The following KIAA1549 variants were observed in gnomAD, a reference collection of about 807,000 sequenced individuals.
KIAA1549 encodes KIAA1549.
A neutral mutation model predicts 156.4 loss-of-function variants in KIAA1549; 70 were observed. The ratio of observed to expected loss-of-function variants is 0.45; its 90% CI spans 0.37 to 0.55. The LOEUF is 0.55. Ranked by LOEUF, KIAA1549 falls within the 20% of genes least tolerant of loss-of-function variation. The pLI is 0.00. For missense variants in KIAA1549, 2,428 were observed against 2,540.9 expected (o/e 0.96, Z 0.96); for synonymous variants, 1,103 against 1,066.4 (o/e 1.03, Z -0.67).
In KIAA1549 at chr7:138,919,199, C is replaced by T. The variant is rs1038347765; in HGVS notation, c.427G>A (p.Val143Met). 4.3e-6 allele frequency: 7 copies of T among 1,613,828 alleles called. No individual in the cohort carries two copies. Among genetic ancestry groups the T allele is most frequent in the Non-Finnish European group, 5.9e-6 (7 of 1,179,886 alleles). Reference sequence around the variant, plus strand: ...GCCACCTCTTTACTCGTCACTGACACGTAAGTTGCCACAAAGATGCTGGGA... The same window carrying T: ...GCCACCTCTTTACTCGTCACTGACATGTAAGTTGCCACAAAGATGCTGGGA... ...ADPSIFVATY[V>M]SVTSKEVAVN... The change falls in exon 2 of 20, where the codon GTG becomes ATG. Residue 143 changes from valine to methionine, a missense_variant. Val to Met is a conservative substitution (Grantham distance 21). Coordinates refer to ENST00000422774, the MANE Select transcript of KIAA1549 (RefSeq NM_001164665.2).
chr7:138,954,472 G>A (rs1303551251), intron 1 of KIAA1549, among the ~76,000 whole-genome samples: 2 of 152,130 alleles, frequency 1.3e-5, no homozygotes, highest in Non-Finnish European at 2.9e-5. Context: ...CTAACAAGCT[G>A]GCATCCTTAA....
chr7:138,959,358 G>A (rs1220025790), intron 1 of KIAA1549, among the ~76,000 whole-genome samples: 1 of 152,096 alleles, frequency 6.6e-6, no homozygotes, highest in Non-Finnish European at 1.5e-5. Context: ...CATCTCTCAC[G>A]CAGTACATTG....
rs1489524205 is a variant in KIAA1549 at position 138,836,807 on chromosome 7, TAC to T, written c.*1097_*1098del. The T allele has an allele frequency of 4.5e-6, 1 of 224,174 alleles. No individual in the cohort carries two copies. The highest frequency in any genetic ancestry group is 5.7e-5 in the Admixed American group (1 of 17,490). 13.9% of individuals were successfully genotyped at this position (224,174 alleles called of 1,614,324 possible). ...AGCTCTTTTACATTTCTTGATTCAT[TAC>T]AGAGAGGCTGAACTGAACTCAATTT... On this transcript the variant is annotated 3_prime_UTR_variant, in exon 20 of 20. Coordinates refer to ENST00000422774, the MANE Select transcript of KIAA1549 (RefSeq NM_001164665.2).
At chr7:138,876,668 G>T (rs746423436) in intron 12 of KIAA1549, among the ~76,000 whole-genome samples, 1 of 152,158 alleles carries the variant, frequency 6.6e-6, no homozygotes, top group Non-Finnish European at 1.5e-5. Flanking sequence ...TGATAAAGGG[G>T]AGCGAGAGAA....
At chr7:138,908,772 T>G (rs1812081059) in intron 5 of KIAA1549, among the ~76,000 whole-genome samples, 1 of 152,170 alleles carries the variant, frequency 6.6e-6, no homozygotes, top group East Asian at 1.9e-4. Context: ...GCTCACCATA[T>G]CTGAGCTCCC....
In KIAA1549 at chr7:138,869,656, GGTC is replaced by G. The variant is rs771490661; in HGVS notation, c.4654_4656del (p.Asp1552del). ...CGCTCCTTAGTGTCGCCCGAGGACAGGTCGTCTACCACCGGGAACTCGTAGTGC... is the reference window on the plus strand; with the variant it reads ...CGCTCCTTAGTGTCGCCCGAGGACAGGTCTACCACCGGGAACTCGTAGTGC... On this transcript the variant is annotated inframe_deletion, in exon 14 of 20. Transcript: ENST00000422774. 6 of 1,612,008 alleles carry G rather than the reference GGTC, an allele frequency of 3.7e-6. No homozygotes were observed. In the African/African-American group the frequency reaches 5.3e-5, roughly 14 times the overall value.
chr7:138,939,057 G>C (rs1467177434), intron 1 of KIAA1549, among the ~76,000 whole-genome samples: 1 of 152,100 alleles, frequency 6.6e-6, no homozygotes, highest in Non-Finnish European at 1.5e-5. Context: ...AAAATTTTCA[G>C]ACATACACAA....
intron 1 of KIAA1549, among the ~76,000 whole-genome samples, chr7:138,932,722 A>T (rs575237120): frequency 6.6e-6 from 1 of 152,232 alleles, no homozygotes; most frequent in South Asian, 2.1e-4. Context: ...TGGTCAGCGG[A>T]TCTTTAGCAT....
chr7:138,940,339 T>C (rs1584772193), intron 1 of KIAA1549, among the ~76,000 whole-genome samples: 1 of 151,860 alleles, frequency 6.6e-6, no homozygotes, highest in East Asian at 1.9e-4. Flanking sequence ...ACAAAGGACA[T>C]GAACTCATCA....
At chr7:138,964,822 T>C (rs187120260) in intron 1 of KIAA1549, among the ~76,000 whole-genome samples, 148 of 152,348 alleles carry the variant, frequency 9.7e-4, no homozygotes, top group South Asian at 1.4e-3. Context: ...GATTTGGCAA[T>C]ATGCATCAAA....
In KIAA1549 at chr7:138,951,372, C is replaced by T. The variant is rs867354605; in HGVS notation, c.187+29711G>A. 2.9e-4 allele frequency among the ~76,000 whole-genome samples: 44 copies of T among 152,262 alleles called. 2 individuals are homozygous for T. Among genetic ancestry groups the T allele is most frequent in the South Asian group, 2.1e-3 (10 of 4,816 alleles). On this transcript the variant is annotated intron_variant, in intron 1 of 19. Coordinates refer to ENST00000422774, the MANE Select transcript of KIAA1549 (RefSeq NM_001164665.2). ...CTTCAAACATCAGTGGTCCTCTCTC[C>T]CTAGCACAGTTTCTCCTTGACTCTG...
intron 13 of KIAA1549, among the ~76,000 whole-genome samples, chr7:138,870,693 T>C (rs1810902170): frequency 6.6e-6 from 1 of 152,200 alleles, no homozygotes; most frequent in Admixed American, 6.5e-5. Context: ...CAGTATCTGA[T>C]CTCCAACAAG....
chr7:138,972,449 C>T (rs1046734856), intron 1 of KIAA1549, among the ~76,000 whole-genome samples: 2 of 150,710 alleles, frequency 1.3e-5, no homozygotes, highest in African/African-American at 2.4e-5. Context: ...GCTCCAGCCA[C>T]GGTTCACCTC....
Position 138,859,488 on chromosome 7 carries a change from TCAAA to T in KIAA1549, c.5247+1647_5247+1650del, listed in dbSNP as rs1810492992. Among the ~76,000 whole-genome samples, 3 of 152,154 alleles carry T rather than the reference TCAAA, an allele frequency of 2.0e-5. 1 individual carries two copies. The highest frequency in any genetic ancestry group is 2.0e-4 in the Admixed American group (3 of 15,268). On this transcript the variant is annotated intron_variant, in intron 16 of 19. Transcript: ENST00000422774. The stretch of plus-strand genomic sequence containing the variant: ...TGTGTACCCATAAACTGATCAGTAC[TCAAA>T]CAAAGATTCTCTGCAGATGCCTAGC...
rs1028377252 is a variant in KIAA1549, at chr7:138,916,600, G to A, written c.2878+148C>T. 95 of 1,294,172 alleles carry A rather than the reference G, an allele frequency of 7.3e-5. No homozygotes were observed. The African/African-American group carries it at 1.0e-3, about 14-fold the overall frequency. The allele number at this position is 1,294,172 out of a possible 1,614,324, so 80.2% of individuals were successfully genotyped here. On this transcript the variant is annotated intron_variant, in intron 2 of 19. Coordinates refer to ENST00000422774, the MANE Select transcript of KIAA1549 (RefSeq NM_001164665.2). Reference sequence around the variant, plus strand: ...TAAATAACTGTTCTGAGAACTCGCAGGAGGTAAGCATAGGAGTACTACCTG... The same window carrying A: ...TAAATAACTGTTCTGAGAACTCGCAAGAGGTAAGCATAGGAGTACTACCTG...
Position 138,844,428 on chromosome 7 carries a change from G to C in KIAA1549, c.5341C>G (p.Pro1781Ala), listed in dbSNP as rs753732686. Residue 1781 changes from proline to alanine, a missense_variant, in exon 18 of 20, where the codon CCT becomes GCT. This residue lies in a region of KIAA1549 where 363 missense variants were observed against 354.0 expected (regional missense o/e 1.03). Coordinates refer to ENST00000422774, the MANE Select transcript of KIAA1549 (RefSeq NM_001164665.2). ...GLLQSTELVP[P>A]DPQQPQASAE... ...GAGGCCTGTGGCTGCTGAGGGTCAGGGGGCACCAGCTCTGTAGACTGCAGC... is the reference window on the plus strand; with the variant it reads ...GAGGCCTGTGGCTGCTGAGGGTCAGCGGGCACCAGCTCTGTAGACTGCAGC... 1.1e-5 allele frequency: 18 copies of C among 1,588,836 alleles called. No homozygotes were observed. Among genetic ancestry groups the C allele is most frequent in the Non-Finnish European group, 1.5e-5 (18 of 1,168,546 alleles).
At chr7:138,900,190 C>A (rs947807548) in intron 8 of KIAA1549, among the ~76,000 whole-genome samples, 2 of 152,194 alleles carry the variant, frequency 1.3e-5, no homozygotes, top group African/African-American at 4.8e-5. Flanking sequence ...AAACTTCTGG[C>A]AGATCAGCAA....
intron 1 of KIAA1549, among the ~76,000 whole-genome samples, chr7:138,933,119 T>C (rs1251495060): frequency 6.6e-6 from 1 of 151,934 alleles, no homozygotes. Context: ...CCAGGCTGAC[T>C]AGTGAAGGGC....
chr7:138,869,079 G>A (rs973014742), intron 14 of KIAA1549, among the ~76,000 whole-genome samples: 4 of 152,354 alleles, frequency 2.6e-5, no homozygotes, highest in South Asian at 2.1e-4. Flanking sequence ...GCAGGCAGCT[G>A]TGAGAAAACC....
Sources: gnomAD v4.1 joint callset for allele counts (sites outside exome capture counted in the v4.1 genomes callset) on GRCh38, gnomAD v4.1.1 for gene constraint, gnomAD v4.1.1 regional missense constraint, MANE v1.5 for transcripts, NCBI Gene and HGNC (gene_info 2026-07-23, HGNC 2026-07-21) for gene names.